Variants in RIC1 observed in about 807,000 individuals in gnomAD.
The protein encoded by RIC1 is RIC1 partner of RAB6A GEF complex.
RIC1 carries 88 observed loss-of-function variants against 169.0 expected under a neutral mutation model. The observed-to-expected ratio is 0.52, with a 90% CI of 0.44 to 0.62. The LOEUF (loss-of-function observed/expected upper bound fraction) is 0.62, where lower values mean the gene tolerates loss of function less well. Ranked by LOEUF, RIC1 falls within the 20% of genes least tolerant of loss-of-function variation. RIC1 has a pLI of 0.00. For synonymous variants in RIC1, 790 were observed against 601.5 expected (o/e 1.31, Z -4.59); for missense variants, 1,877 against 1,725.5 (o/e 1.09, Z -1.56).
chr9:5,739,247 C>A (rs1824920092), intron 8 of RIC1, among the ~76,000 whole-genome samples: 1 of 152,126 alleles, frequency 6.6e-6, no homozygotes, highest in South Asian at 2.1e-4. Context: ...ATTTCCAGCT[C>A]ACTCACAGTG....
intron 6 of RIC1, among the ~76,000 whole-genome samples, chr9:5,728,474 C>T (rs905629675): frequency 3.4e-4 from 51 of 152,212 alleles, no homozygotes; most frequent in African/African-American, 5.8e-4. Context: ...AGGAATTCCC[C>T]GACCCCTTGC....
intron 16 of RIC1, 80 bp downstream of exon 16, chr9:5,756,452 C>A: frequency 1.1e-6 from 1 of 939,634 alleles, no homozygotes; most frequent in African/African-American, 1.7e-5. Flanking sequence ...TTTCTCAAAA[C>A]AGTTATTCCA....
chr9:5,752,677 C>T (rs1825792889), intron 12 of RIC1, among the ~76,000 whole-genome samples: 1 of 152,148 alleles, frequency 6.6e-6, no homozygotes, highest in Non-Finnish European at 1.5e-5. Flanking sequence ...CTCAGGTGAT[C>T]CACCTGCCTC....
At chr9:5,734,260 C>G (rs1824557749) in intron 7 of RIC1, among the ~76,000 whole-genome samples, 2 of 151,868 alleles carry the variant, frequency 1.3e-5, no homozygotes, top group African/African-American at 4.8e-5. Context: ...GCATGCACCA[C>G]CATGCCCGGC....
intron 6 of RIC1, among the ~76,000 whole-genome samples, chr9:5,730,027 ATAAGT>A (rs138519566): frequency 0.032 from 4,852 of 152,246 alleles, 251 homozygotes; most frequent in African/African-American, 0.11. Context: ...ATTTTTTCTA[ATAAGT>A]TAAGGATTTA....
In RIC1 at chr9:5,774,379, C is replaced by A. The variant is rs533654071; in HGVS notation, c.*133C>A. On this transcript the variant is annotated 3_prime_UTR_variant, in exon 26 of 26. Coordinates refer to ENST00000414202, the MANE Select transcript of RIC1 (RefSeq NM_020829.4). ...TTCGGTAAGTATTAGTAGATTTTAA[C>A]TAATTCTTTCTTGTCTAAGAAATCT... The A allele has an allele frequency of 4.6e-6, 3 of 648,540 alleles. No homozygotes were observed. The highest frequency in any genetic ancestry group is 7.2e-6 in the Non-Finnish European group (3 of 417,082). 40.2% of individuals were successfully genotyped at this position (648,540 alleles called of 1,614,324 possible). A position where few individuals can be genotyped will look rare whatever the true frequency, so the allele number is the denominator to read the frequency against.
At chr9:5,670,610 T>C (rs1050716371) in intron 2 of RIC1, among the ~76,000 whole-genome samples, 2 of 152,206 alleles carry the variant, frequency 1.3e-5, no homozygotes, top group Non-Finnish European at 2.9e-5. Context: ...TTCATTTTTA[T>C]ATATAAAATC....
chr9:5,689,487 G>T (rs549846035), intron 2 of RIC1, among the ~76,000 whole-genome samples: 2 of 152,184 alleles, frequency 1.3e-5, no homozygotes, highest in Admixed American at 6.5e-5. Flanking sequence ...GAGACCAAAA[G>T]ATTGTTTTTG....
rs1286665062 is a variant in RIC1 at position 5,763,299 on chromosome 9, C to T, written c.2272C>T (p.Arg758Cys). ...VWLPLFPRDH[R>C]KPHSFLSQRI... ...GCTCCCTCTCTTCCCTAGGGATCAC[C>T]GCAAGCCCCATTCCTTCTTGTCCCA... Residue 758 changes from arginine to cysteine, a missense_variant, in exon 19 of 26, where the codon CGC (arginine) becomes TGC (cysteine). Arg to Cys is a radical substitution (Grantham distance 180). Around this residue, in one of 3 missense-constraint regions of RIC1, gnomAD observed 1,104 missense variants for 992.0 expected, o/e 1.11. Coordinates refer to ENST00000414202, the MANE Select transcript of RIC1 (RefSeq NM_020829.4). This position sits in a 1 kb window ranked among gnomAD's most constrained non-coding sequence, Gnocchi z 5.2. 8.1e-6 allele frequency: 13 copies of T among 1,614,168 alleles called. No individual in the cohort carries two copies. The highest frequency in any genetic ancestry group is 3.3e-5 in the Admixed American group (2 of 60,020).
intron 6 of RIC1, among the ~76,000 whole-genome samples, chr9:5,729,734 A>G (rs978538753): frequency 1.3e-5 from 2 of 152,088 alleles, no homozygotes; most frequent in African/African-American, 4.8e-5. Context: ...CCTATCTACT[A>G]TCTTCCGTTA....
chr9:5,762,793 A>G, intron 18 of RIC1, 133 bp downstream of exon 18: 1 of 1,161,706 alleles, frequency 8.6e-7, no homozygotes, highest in African/African-American at 1.6e-5. Context: ...ATCAGTCTTA[A>G]GCCTCTGGGT....
intron 2 of RIC1, among the ~76,000 whole-genome samples, chr9:5,665,170 C>G (rs1264720569): frequency 1.3e-5 from 2 of 151,864 alleles, no homozygotes; most frequent in East Asian, 1.9e-4. Flanking sequence ...ATGTAATGCC[C>G]TTTGTCTTTT....
At chr9:5,682,007 T>C (rs888371698) in intron 2 of RIC1, among the ~76,000 whole-genome samples, 1 of 152,174 alleles carries the variant, frequency 6.6e-6, no homozygotes, top group African/African-American at 2.4e-5. Flanking sequence ...TTTCCATTTG[T>C]TTGGTAGATC....
chr9:5,746,433 G>A (rs139138118), intron 11 of RIC1, among the ~76,000 whole-genome samples: 170 of 152,156 alleles, frequency 1.1e-3, no homozygotes, highest in African/African-American at 3.8e-3. Context: ...CAGTTCCACA[G>A]GATTTTTTAA....
At position 5,718,261 on chromosome 9, in the gene RIC1, G is replaced by C. The variant is rs1328817888; in HGVS notation, c.441-1921G>C. ...GTTTATGAGTTACAATTTAGTTACA[G>C]TTTGTTTTCTTTATGGCTTGTCTTT... On this transcript the variant is annotated intron_variant, in intron 4 of 25. Coordinates refer to ENST00000414202, the MANE Select transcript of RIC1 (RefSeq NM_020829.4). 2.7e-5 allele frequency among the ~76,000 whole-genome samples: 4 copies of C among 150,082 alleles called. No individual in the cohort carries two copies. In the East Asian group the frequency reaches 8.0e-4, roughly 30 times the overall value.
chr9:5,770,383 A>T (rs1827126722), intron 23 of RIC1, 105 bp downstream of exon 23: 1 of 1,044,436 alleles, frequency 9.6e-7, no homozygotes, highest in Non-Finnish European at 1.4e-6. Context: ...GTGATGGAGG[A>T]TTAACCATTT....
chr9:5,740,363 A>C (rs1219922181), intron 8 of RIC1, among the ~76,000 whole-genome samples: 1 of 152,048 alleles, frequency 6.6e-6, no homozygotes, highest in Non-Finnish European at 1.5e-5. Flanking sequence ...AAAACCAATG[A>C]AGGAACTCCA....
intron 3 of RIC1, among the ~76,000 whole-genome samples, chr9:5,693,606 T>G (rs1821714510): frequency 6.6e-6 from 1 of 152,202 alleles, no homozygotes. Context: ...TCTGGACATT[T>G]TATTTTATGG....
At chr9:5,777,445 TCTGA>T (rs535410030), downstream of RIC1, among the ~76,000 whole-genome samples, 660 of 151,742 alleles carry the variant, frequency 4.3e-3, 3 homozygotes, top group Non-Finnish European at 7.6e-3. Flanking sequence ...ACAACAGAAG[TCTGA>T]CTTAGACTGA....
Sources: allele counts gnomAD v4.1 joint callset (sites outside exome capture counted in the v4.1 genomes callset), GRCh38; gene constraint gnomAD v4.1.1; regional missense constraint gnomAD v4.1.1; non-coding constraint Gnocchi (gnomAD v3.1); transcripts MANE v1.5; gene names NCBI Gene and HGNC (gene_info 2026-07-23, HGNC 2026-07-21).